Variants in ZNF90 observed in about 807,000 individuals in gnomAD.
ZNF90 encodes the protein zinc finger protein 90.
A neutral mutation model predicts 12.0 loss-of-function variants in ZNF90; 11 were observed. The ratio of observed to expected loss-of-function variants is 0.92; its 90% CI spans 0.58 to 1.52. The LOEUF (loss-of-function observed/expected upper bound fraction) is 1.52. Among genes scored for constraint, ZNF90 ranks in the 40% most tolerant of loss-of-function variants. The pLI is 0.00. For synonymous variants in ZNF90, 232 were observed against 240.1 expected (o/e 0.97, Z 0.31); for missense variants, 765 against 711.5 (o/e 1.08, Z -0.86).
chr19:20,107,917 T>C (rs2089053594), intron 3 of ZNF90, among the ~76,000 whole-genome samples: 2 of 152,164 alleles, frequency 1.3e-5, no homozygotes, highest in South Asian at 2.1e-4. Flanking sequence ...AAAGGAATTA[T>C]AGGATTTTCA....
chr19:20,092,903 A>G (rs1217064880), intron 1 of ZNF90, among the ~76,000 whole-genome samples: 1 of 152,196 alleles, frequency 6.6e-6, no homozygotes, highest in Non-Finnish European at 1.5e-5. Context: ...AATATATTGA[A>G]TAAGGTGAGA....
chr19:20,089,542 T>C (rs782032490), intron 1 of ZNF90, among the ~76,000 whole-genome samples: 9 of 152,118 alleles, frequency 5.9e-5, no homozygotes, highest in African/African-American at 1.2e-4. Context: ...CAGTGGGTCT[T>C]TGCGGAGAGA....
intron 3 of ZNF90, among the ~76,000 whole-genome samples, chr19:20,106,044 C>CTTTTTTTTT (rs56933917): frequency 8.4e-5 from 6 of 71,034 alleles, no homozygotes; most frequent in African/African-American, 2.1e-4. Context: ...CTAATTTTTT[C>CTTTTTTTTT]TTTTTTTTTT....
At chr19:20,100,380 G>C (rs1447381687) in intron 1 of ZNF90, among the ~76,000 whole-genome samples, 1 of 152,142 alleles carries the variant, frequency 6.6e-6, no homozygotes, top group Non-Finnish European at 1.5e-5. Flanking sequence ...ATAATCCCCT[G>C]CACTGCAGGC....
chr19:20,112,167 G>T (rs1257385918), intron 3 of ZNF90, among the ~76,000 whole-genome samples: 1 of 151,066 alleles, frequency 6.6e-6, no homozygotes, highest in East Asian at 2.0e-4. Flanking sequence ...GATTTATTCA[G>T]ATTCACATAT....
intron 1 of ZNF90, among the ~76,000 whole-genome samples, chr19:20,082,186 A>G (rs1369633530): frequency 6.6e-6 from 1 of 152,046 alleles, no homozygotes; most frequent in Non-Finnish European, 1.5e-5. Context: ...TACGTATAGC[A>G]CCAAACATGT....
At chr19:20,116,244 A>G (rs1470444862) in intron 3 of ZNF90, among the ~76,000 whole-genome samples, 1 of 152,126 alleles carries the variant, frequency 6.6e-6, no homozygotes, top group Non-Finnish European at 1.5e-5. Context: ...ATCTCCACTC[A>G]CTGCAACCAT....
chr19:20,081,708 GT>G (rs2088820717), intron 1 of ZNF90, among the ~76,000 whole-genome samples: 2 of 151,914 alleles, frequency 1.3e-5, no homozygotes, highest in South Asian at 4.2e-4. Context: ...AAATCAGTCT[GT>G]TCATCTACAT....
At chr19:20,094,966 G>T (rs181695732) in intron 1 of ZNF90, among the ~76,000 whole-genome samples, 2,401 of 152,218 alleles carry the variant, frequency 0.016, 39 homozygotes, top group South Asian at 0.06. Flanking sequence ...CGGACCGGGT[G>T]TGAGGAGGGG....
intron 3 of ZNF90, among the ~76,000 whole-genome samples, chr19:20,110,693 C>A (rs182842267): frequency 4.9e-4 from 74 of 152,166 alleles, no homozygotes; most frequent in African/African-American, 1.6e-3. Context: ...TCAAGAGATT[C>A]GATGTTTTCT....
chr19:20,110,362 CCT>C (rs2089077359), intron 3 of ZNF90, among the ~76,000 whole-genome samples: 2 of 151,766 alleles, frequency 1.3e-5, no homozygotes, highest in African/African-American at 4.8e-5. Context: ...CACTGCAACC[CCT>C]GCCTCCTGGG....
intron 1 of ZNF90, among the ~76,000 whole-genome samples, chr19:20,101,250 A>G (rs1159638908): frequency 6.6e-6 from 1 of 152,192 alleles, no homozygotes; most frequent in Non-Finnish European, 1.5e-5. Context: ...ACTGAACACT[A>G]GTCGCTGGGT....
intron 2 of ZNF90, 55 bp downstream of exon 2, chr19:20,104,420 T>A (rs1268026645): frequency 2.6e-6 from 4 of 1,524,868 alleles, no homozygotes; most frequent in Non-Finnish European, 3.5e-6. Flanking sequence ...TGTTTTTATG[T>A]TTTTTTGTGG....
chr19:20,104,721 G>A (rs559790149), intron 2 of ZNF90, among the ~76,000 whole-genome samples: 2 of 152,264 alleles, frequency 1.3e-5, no homozygotes, highest in Admixed American at 6.5e-5. Flanking sequence ...AGGACAAGGC[G>A]CAGTGGCTCA....
chr19:20,085,151 A>G (rs2088848598), intron 1 of ZNF90, among the ~76,000 whole-genome samples: 1 of 152,118 alleles, frequency 6.6e-6, no homozygotes, highest in African/African-American at 2.4e-5. Context: ...TTAGGTATTT[A>G]TTCCAGCACC....
chr19:20,114,573 A>T (rs1265067593), intron 3 of ZNF90, among the ~76,000 whole-genome samples: 1 of 152,108 alleles, frequency 6.6e-6, no homozygotes, highest in Non-Finnish European at 1.5e-5. Flanking sequence ...TATCATTTCT[A>T]TATATTTGTA....
At chr19:20,108,113 T>A (rs1339402817) in intron 3 of ZNF90, among the ~76,000 whole-genome samples, 2 of 150,852 alleles carry the variant, frequency 1.3e-5, no homozygotes, top group South Asian at 2.1e-4. Flanking sequence ...ATACCATATA[T>A]TTAAAACATT....
intron 1 of ZNF90, chr19:20,080,162 A>G (rs2088809245): frequency 2.3e-6 from 1 of 443,456 alleles, no homozygotes; most frequent in Non-Finnish European, 4.4e-6. Flanking sequence ...ATTGCAGGTC[A>G]GCAAGAATTG....
At chr19:20,082,539 A>G (rs2088828031) in intron 1 of ZNF90, among the ~76,000 whole-genome samples, 1 of 152,156 alleles carries the variant, frequency 6.6e-6, no homozygotes, top group African/African-American at 2.4e-5. Context: ...GCTATGCAGG[A>G]TGTGCTTTGT....
Sources: allele counts gnomAD v4.1 joint callset (sites outside exome capture counted in the v4.1 genomes callset), GRCh38; gene constraint gnomAD v4.1.1; transcripts MANE v1.5; gene names NCBI Gene and HGNC (gene_info 2026-07-23, HGNC 2026-07-21).